CNTNAP2: variants seen among roughly 807,000 people sequenced by gnomAD.
CNTNAP2 encodes contactin associated protein 2, also known as contactin-associated protein-like 2.
In CNTNAP2, 98 loss-of-function variants were observed where a neutral mutation model predicts 155.2. The ratio of observed to expected loss-of-function variants is 0.63; its 90% confidence interval spans 0.54 to 0.75. The LOEUF is 0.75. Ranked by LOEUF, CNTNAP2 falls within the 30% of genes least tolerant of loss-of-function variation. CNTNAP2 has a pLI of 0.00. For synonymous variants in CNTNAP2, 651 were observed against 631.2 expected (o/e 1.03, Z -0.47); for missense variants, 1,727 against 1,688.1 (o/e 1.02, Z -0.40).
chr7:148,233,053 A>G (rs1462005906), intron 20 of CNTNAP2, among the ~76,000 whole-genome samples: 1 of 152,272 alleles, frequency 6.6e-6, no homozygotes, highest in South Asian at 2.1e-4. Flanking sequence ...GAAAACTCAC[A>G]GTCGCATCAG....
At chr7:147,062,930 A>G (rs1026191814) in intron 4 of CNTNAP2, among the ~76,000 whole-genome samples, 5 of 152,230 alleles carry the variant, frequency 3.3e-5, no homozygotes, top group African/African-American at 1.2e-4. Flanking sequence ...TCAAATCAAA[A>G]TATAATTGAT....
intron 12 of CNTNAP2, among the ~76,000 whole-genome samples, chr7:147,608,433 A>C (rs978831185): frequency 1.3e-5 from 2 of 151,862 alleles, no homozygotes; most frequent in African/African-American, 4.8e-5. Flanking sequence ...ATCTGGTAGG[A>C]TCTATAACCC....
At chr7:146,460,704 A>G (rs1300590106) in intron 1 of CNTNAP2, among the ~76,000 whole-genome samples, 1 of 152,212 alleles carries the variant, frequency 6.6e-6, no homozygotes, top group Non-Finnish European at 1.5e-5. Flanking sequence ...ATATTATGCT[A>G]AGTGAAATAA....
chr7:146,642,893 A>G (rs1050567818), intron 1 of CNTNAP2, among the ~76,000 whole-genome samples: 2 of 151,784 alleles, frequency 1.3e-5, no homozygotes, highest in Non-Finnish European at 2.9e-5. Context: ...TTTGATTTGC[A>G]TTTCTCTGAT....
chr7:146,570,322 G>A (rs113004182), intron 1 of CNTNAP2, among the ~76,000 whole-genome samples: 4,600 of 152,190 alleles, frequency 0.03, 253 homozygotes, highest in African/African-American at 0.1. Context: ...ACAGTGAGTA[G>A]GCATTTTTGA....
At chr7:146,503,580 T>G (rs1243502203) in intron 1 of CNTNAP2, among the ~76,000 whole-genome samples, 1 of 152,200 alleles carries the variant, frequency 6.6e-6, no homozygotes, top group Admixed American at 6.5e-5. Context: ...GTCTTACACT[T>G]AAGTCTTTAA....
intron 13 of CNTNAP2, among the ~76,000 whole-genome samples, chr7:147,801,420 A>C (rs987990934): frequency 2.6e-5 from 4 of 151,150 alleles, no homozygotes; most frequent in South Asian, 2.1e-4. Context: ...AGGTCGGCAG[A>C]TAAACAAGTG....
intron 3 of CNTNAP2, among the ~76,000 whole-genome samples, chr7:146,906,226 G>A (rs901706103): frequency 6.6e-6 from 1 of 152,108 alleles, no homozygotes; most frequent in Non-Finnish European, 1.5e-5. Context: ...GGCTGGGGGA[G>A]GGGCGCCCGC....
At chr7:147,324,447 T>G (rs186517551) in intron 9 of CNTNAP2, among the ~76,000 whole-genome samples, 3 of 152,338 alleles carry the variant, frequency 2.0e-5, no homozygotes, top group East Asian at 1.9e-4. Flanking sequence ...ACATCAGATA[T>G]GTAATCCATT....
At chr7:146,388,204 G>A (rs1795488337) in intron 1 of CNTNAP2, among the ~76,000 whole-genome samples, 1 of 151,960 alleles carries the variant, frequency 6.6e-6, no homozygotes, top group South Asian at 2.1e-4. Flanking sequence ...GCTGAGGCAG[G>A]AGGATCCCTT....
At chr7:147,839,031 G>A (rs377346150) in intron 13 of CNTNAP2, among the ~76,000 whole-genome samples, 65 of 152,308 alleles carry the variant, frequency 4.3e-4, no homozygotes, top group Middle Eastern at 3.4e-3. Context: ...AAGGAAGCAA[G>A]TCCAAGTCCC....
At chr7:147,791,414 T>C (rs1797816673) in intron 13 of CNTNAP2, among the ~76,000 whole-genome samples, 2 of 151,944 alleles carry the variant, frequency 1.3e-5, no homozygotes, top group Admixed American at 1.3e-4. Context: ...TTGATATATA[T>C]AGTCTTTCTC....
intron 1 of CNTNAP2, among the ~76,000 whole-genome samples, chr7:146,350,749 A>G (rs944061169): frequency 2.0e-5 from 3 of 152,038 alleles, no homozygotes; most frequent in Non-Finnish European, 2.9e-5. Context: ...TTGCGGCACT[A>G]TTCACAATAG....
chr7:148,126,479 A>T (rs1804717507), intron 16 of CNTNAP2, among the ~76,000 whole-genome samples: 1 of 152,250 alleles, frequency 6.6e-6, no homozygotes, highest in South Asian at 2.1e-4. Flanking sequence ...AGGTGGAAGG[A>T]CAGGTCACGG....
intron 2 of CNTNAP2, among the ~76,000 whole-genome samples, chr7:146,793,232 C>T (rs1802705746): frequency 6.6e-6 from 1 of 152,196 alleles, no homozygotes; most frequent in Non-Finnish European, 1.5e-5. Flanking sequence ...ACACTGGACT[C>T]ACATAGCCAA....
chr7:146,513,094 A>G (rs13224226), intron 1 of CNTNAP2, among the ~76,000 whole-genome samples: 10,877 of 151,920 alleles, frequency 0.072, 418 homozygotes, highest in Non-Finnish European at 0.086. Flanking sequence ...TTTATCTGAT[A>G]TAAGTATAGC....
intron 1 of CNTNAP2, among the ~76,000 whole-genome samples, chr7:146,774,067 C>T (rs1563225068): frequency 6.6e-6 from 1 of 152,128 alleles, no homozygotes. Flanking sequence ...TATGGTTTTC[C>T]ATTTGAATAT....
In CNTNAP2 at chr7:148,116,287, A is replaced by G. The variant is rs114934679; in HGVS notation, c.2384-1831A>G. ...TGCGACAGTAATTAATAGGAATGCC[A>G]TTGGCTGAGACAGCTTCAGAGCCCT... On this transcript the variant is annotated intron_variant, in intron 15 of 23. Transcript: ENST00000361727. 3.5e-3 allele frequency among the ~76,000 whole-genome samples: 531 copies of G among 152,312 alleles called. 3 individuals carry two copies. The highest frequency in any genetic ancestry group is 0.012 in the African/African-American group (510 of 41,562).
intron 1 of CNTNAP2, among the ~76,000 whole-genome samples, chr7:146,163,535 A>G (rs35502753): frequency 0.053 from 7,765 of 145,320 alleles, 253 homozygotes; most frequent in Middle Eastern, 0.098. Flanking sequence ...ATCTATATAT[A>G]TCTATATCTA....
Sources: allele counts gnomAD v4.1 joint callset (sites outside exome capture counted in the v4.1 genomes callset), GRCh38; gene constraint gnomAD v4.1.1; transcripts MANE v1.5; gene names NCBI Gene and HGNC (gene_info 2026-07-23, HGNC 2026-07-21).